The following ATRNL1 variants were observed in gnomAD, a reference collection of about 807,000 sequenced individuals.
The protein encoded by ATRNL1 is attractin-like protein 1.
In ATRNL1, 95 loss-of-function variants were observed where a neutral mutation model predicts 182.7. That is an observed-to-expected ratio of 0.52 (90% CI 0.44 to 0.62). ATRNL1 has a LOEUF of 0.62. Ranked by LOEUF, ATRNL1 falls within the 20% of genes least tolerant of loss-of-function variation. The probability of loss-of-function intolerance (pLI) is 0.00; values close to 1 mark genes in which losing one functional copy is unlikely to be tolerated. For missense variants in ATRNL1, 1,471 were observed against 1,679.5 expected (o/e 0.88, Z 2.17); for synonymous variants, 576 against 568.3 (o/e 1.01, Z -0.19).
At chr10:115,576,513 G>A (rs543812528) in intron 26 of ATRNL1, among the ~76,000 whole-genome samples, 1 of 151,798 alleles carries the variant, frequency 6.6e-6, no homozygotes, top group Non-Finnish European at 1.5e-5. Context: ...CCATATATCC[G>A]TTAGCCATTT....
At chr10:115,150,048 A>G (rs1485176968) in intron 5 of ATRNL1, among the ~76,000 whole-genome samples, 1 of 151,786 alleles carries the variant, frequency 6.6e-6, no homozygotes, top group African/African-American at 2.4e-5. Context: ...GGTTGTCTAA[A>G]TATTTTTTCT....
chr10:115,379,880 G>A (rs1322694300), intron 19 of ATRNL1, among the ~76,000 whole-genome samples: 1 of 152,186 alleles, frequency 6.6e-6, no homozygotes, highest in Non-Finnish European at 1.5e-5. Flanking sequence ...AGGCTGGAAT[G>A]CAGTGGCGTG....
intron 13 of ATRNL1, among the ~76,000 whole-genome samples, chr10:115,273,355 C>T (rs1315381064): frequency 6.6e-6 from 1 of 152,134 alleles, no homozygotes; most frequent in Admixed American, 6.5e-5. Context: ...TTTTGGTAAA[C>T]ATTTACGCTG....
chr10:115,100,293 G>A (rs1843721889), intron 1 of ATRNL1, among the ~76,000 whole-genome samples: 1 of 151,020 alleles, frequency 6.6e-6, no homozygotes, highest in South Asian at 2.1e-4. Context: ...GCAAGACCAT[G>A]TCTTTAAAAA....
At chr10:115,175,997 C>G (rs1847490647) in intron 8 of ATRNL1, among the ~76,000 whole-genome samples, 1 of 152,124 alleles carries the variant, frequency 6.6e-6, no homozygotes, top group African/African-American at 2.4e-5. Flanking sequence ...TTAATGATCG[C>G]CATTCTAACT....
intron 14 of ATRNL1, among the ~76,000 whole-genome samples, chr10:115,284,620 C>T (rs1241506615): frequency 6.6e-6 from 1 of 152,112 alleles, no homozygotes; most frequent in Non-Finnish European, 1.5e-5. Context: ...AAGATGCTTT[C>T]GAGTGGGTCC....
At chr10:115,802,516 T>C (rs150834113) in intron 27 of ATRNL1, among the ~76,000 whole-genome samples, 220 of 152,328 alleles carry the variant, frequency 1.4e-3, no homozygotes, top group African/African-American at 4.9e-3. Flanking sequence ...ATAAATACAA[T>C]TCATTTGAAG....
intron 15 of ATRNL1, among the ~76,000 whole-genome samples, chr10:115,295,909 A>G (rs1853162909): frequency 6.6e-6 from 1 of 152,044 alleles, no homozygotes; most frequent in South Asian, 2.1e-4. Flanking sequence ...AGGCTACTGG[A>G]CACTTGAGCA....
intron 27 of ATRNL1, among the ~76,000 whole-genome samples, chr10:115,748,617 T>TA (rs1948359908): frequency 6.6e-6 from 1 of 151,830 alleles, no homozygotes; most frequent in Non-Finnish European, 1.5e-5. Flanking sequence ...TCAATTTCTT[T>TA]TTAAATACAT....
intron 25 of ATRNL1, among the ~76,000 whole-genome samples, chr10:115,524,531 C>T (rs558572648): frequency 3.3e-5 from 5 of 152,224 alleles, no homozygotes; most frequent in African/African-American, 1.2e-4. Flanking sequence ...CTGTGTTAGA[C>T]TTTTAGTGGT....
At position 115,241,838 on chromosome 10, in the gene ATRNL1, T is replaced by C. The variant is rs1850436013; in HGVS notation, c.1687+113T>C. On this transcript the variant is annotated intron_variant, in intron 10 of 28. Transcript: ENST00000355044. ...TATATGTCATTTTAGAGTTAAGTGA[T>C]AGAATATGAATGGAATTCTTTCTAA... 4 of 858,286 alleles carry C rather than the reference T, an allele frequency of 4.7e-6. No homozygotes were observed. The Admixed American group carries it at 1.0e-4, about 22-fold the overall frequency. The allele number at this position is 858,286 out of a possible 1,614,324, so 53.2% of individuals were successfully genotyped here. A position where few individuals can be genotyped will look rare whatever the true frequency, so the allele number is the denominator to read the frequency against.
intron 27 of ATRNL1, among the ~76,000 whole-genome samples, chr10:115,797,708 G>A (rs1293783359): frequency 6.6e-6 from 1 of 152,158 alleles, no homozygotes; most frequent in Non-Finnish European, 1.5e-5. Context: ...AGTACTCAGT[G>A]TAGTGGATAG....
intron 28 of ATRNL1, among the ~76,000 whole-genome samples, chr10:115,931,494 C>G (rs1354785570): frequency 6.6e-6 from 1 of 152,156 alleles, no homozygotes; most frequent in Non-Finnish European, 1.5e-5. Context: ...TTGCCCAGAC[C>G]TCAGAGGAAG....
intron 24 of ATRNL1, among the ~76,000 whole-genome samples, chr10:115,472,624 TACTTA>T (rs1346062520): frequency 2.0e-5 from 3 of 151,168 alleles, no homozygotes; most frequent in African/African-American, 7.3e-5. Context: ...ATGATTTGTT[TACTTA>T]ACTTCTGATT....
intron 26 of ATRNL1, among the ~76,000 whole-genome samples, chr10:115,706,865 G>A (rs987570527): frequency 2.0e-5 from 3 of 151,586 alleles, no homozygotes; most frequent in East Asian, 1.9e-4. Context: ...TACTTTAATG[G>A]CTTCTGAAAA....
intron 26 of ATRNL1, among the ~76,000 whole-genome samples, chr10:115,659,648 A>G (rs898834978): frequency 6.6e-6 from 1 of 152,128 alleles, no homozygotes; most frequent in Non-Finnish European, 1.5e-5. Context: ...AGTCCTACAC[A>G]TACAGAAGTC....
intron 19 of ATRNL1, among the ~76,000 whole-genome samples, chr10:115,369,614 G>T (rs1857280315): frequency 6.6e-6 from 1 of 152,118 alleles, no homozygotes; most frequent in East Asian, 1.9e-4. Context: ...TGGATCATAT[G>T]AAAGGTCCAT....
At chr10:115,689,018 A>G (rs1054435889) in intron 26 of ATRNL1, among the ~76,000 whole-genome samples, 1 of 152,080 alleles carries the variant, frequency 6.6e-6, no homozygotes, top group Admixed American at 6.6e-5. Context: ...TTCTGCATAC[A>G]GTTATCTAGC....
chr10:115,488,918 T>G (rs1375351789), intron 24 of ATRNL1, among the ~76,000 whole-genome samples: 22 of 152,194 alleles, frequency 1.4e-4, no homozygotes, highest in African/African-American at 5.3e-4. Context: ...GATTCTGGTA[T>G]GTTGTGTCTT....
Sources: gnomAD v4.1 joint callset for allele counts (sites outside exome capture counted in the v4.1 genomes callset) on GRCh38, gnomAD v4.1.1 for gene constraint, MANE v1.5 for transcripts, NCBI Gene and HGNC (gene_info 2026-07-23, HGNC 2026-07-21) for gene names.